The following CEP83 variants were observed in gnomAD, a reference collection of about 807,000 sequenced individuals.
CEP83 encodes the protein centrosomal protein of 83 kDa.
CEP83 carries 70 observed loss-of-function variants against 101.9 expected under a neutral mutation model. The observed-to-expected ratio is 0.69, with a 90% confidence interval of 0.57 to 0.84. CEP83 has a LOEUF of 0.84. Ranked by LOEUF, CEP83 falls within the 40% of genes least tolerant of loss-of-function variation. The pLI is 0.00. For missense variants in CEP83, 715 were observed against 787.2 expected (o/e 0.91, Z 1.10); for synonymous variants, 264 against 267.9 (o/e 0.99, Z 0.14).
chr12:94,368,166 C>T lies in CEP83; in HGVS notation c.1084G>A (p.Val362Ile), dbSNP rs1421579602. The change falls in exon 10 of 17, where the codon GTT becomes ATT. Residue 362 changes from valine to isoleucine, a missense_variant. Physicochemically the swap from Val to Ile is conservative, Grantham distance 29. Coordinates refer to ENST00000397809, the MANE Select transcript of CEP83 (RefSeq NM_016122.3). ...ACTAAGAGCACTTTGTGATGTTCAACAGCTGCTTTGAGAATTTCATTGTCT... is the reference window on the plus strand; with the variant it reads ...ACTAAGAGCACTTTGTGATGTTCAATAGCTGCTTTGAGAATTTCATTGTCT... Reference protein sequence around the residue: ...QSDNEILKAAVEHHKVLLVEK... With the variant: ...QSDNEILKAAIEHHKVLLVEK... 1.9e-6 allele frequency: 3 copies of T among 1,612,840 alleles called. No homozygotes were observed. In the African/African-American group the frequency reaches 4.0e-5, roughly 22 times the overall value.
At position 94,459,537 on chromosome 12, in the gene CEP83, CAGAA is replaced by C. The variant is rs1050523337; in HGVS notation, c.-155+16_-155+19del. 1.3e-5 allele frequency: 2 copies of C among 152,344 alleles called. No homozygotes were observed. The highest frequency in any genetic ancestry group is 4.8e-5 in the African/African-American group (2 of 41,444). The allele number at this position is 152,344 out of a possible 1,614,324, so 9.4% of individuals were successfully genotyped here. Reference sequence around the variant, plus strand: ...CAAAATACAAACAAGACACCGTCCCCAGAAAGAGAGGTTACATACCAGACGCACG... The same window carrying C: ...CAAAATACAAACAAGACACCGTCCCCAGAGAGGTTACATACCAGACGCACG... On this transcript the variant is annotated intron_variant, in intron 1 of 16. Transcript: ENST00000397809.
intron 5 of CEP83, among the ~76,000 whole-genome samples, chr12:94,401,640 C>A (rs2063263323): frequency 6.6e-6 from 1 of 152,162 alleles, no homozygotes; most frequent in Non-Finnish European, 1.5e-5. Flanking sequence ...AATTCGATAA[C>A]AAGGAAAGCA....
intron 6 of CEP83, among the ~76,000 whole-genome samples, chr12:94,393,520 T>C (rs1458947862): frequency 6.6e-6 from 1 of 152,208 alleles, no homozygotes. Context: ...GCCAATATCA[T>C]ACTGAATGGG....
chr12:94,304,241 T>C, downstream of CEP83: 1 of 493,448 alleles, frequency 2.0e-6, no homozygotes, highest in South Asian at 3.1e-5. Context: ...TACAGTTTTA[T>C]CATGCTGCCC....
the CEP83 span, among the ~76,000 whole-genome samples, chr12:94,284,008 GGGAGGC>G: frequency 6.6e-6 from 1 of 151,690 alleles, no homozygotes; most frequent in Non-Finnish European, 1.5e-5. Flanking sequence ...GCTTGAACCC[GGGAGGC>G]GGAGGTTGCA....
At chr12:94,286,698 T>C in the CEP83 span, among the ~76,000 whole-genome samples, 1 of 148,870 alleles carries the variant, frequency 6.7e-6, no homozygotes, top group Non-Finnish European at 1.5e-5. Flanking sequence ...CTCACCTCCC[T>C]CCAATTAGTC....
At position 94,399,438 on chromosome 12, in the gene CEP83, G is replaced by C. The variant is rs529279825; in HGVS notation, c.549+1412C>G. Among the ~76,000 whole-genome samples, 41 of 152,310 alleles carry C rather than the reference G, an allele frequency of 2.7e-4. No homozygotes were observed. The South Asian group carries it at 8.5e-3, about 32-fold the overall frequency. On this transcript the variant is annotated intron_variant, in intron 6 of 16. Coordinates refer to ENST00000397809, the MANE Select transcript of CEP83 (RefSeq NM_016122.3). ...AATGAAGAAAATAAGGGCTGGGCAC[G>C]ATAGTCTATGCCTCTAATTCCAGCA...
At chr12:94,344,628 A>T (rs2059848035) in intron 11 of CEP83, among the ~76,000 whole-genome samples, 1 of 152,162 alleles carries the variant, frequency 6.6e-6, no homozygotes, top group South Asian at 2.1e-4. Flanking sequence ...TCAAAGATGA[A>T]CATGATATAT....
At chr12:94,369,074 A>G (rs1386438328) in intron 9 of CEP83, 1 of 152,238 alleles carries the variant, frequency 6.6e-6, no homozygotes, top group African/African-American at 2.4e-5. Context: ...GCCAAAGGTA[A>G]GCTTATTTAA....
At chr12:94,377,869 G>C (rs1026510708) in intron 7 of CEP83, among the ~76,000 whole-genome samples, 1 of 152,114 alleles carries the variant, frequency 6.6e-6, no homozygotes, top group African/African-American at 2.4e-5. Flanking sequence ...TCATGTTTAA[G>C]GTACAATGAT....
intron 1 of CEP83, among the ~76,000 whole-genome samples, chr12:94,438,095 T>G (rs2066128419): frequency 6.6e-6 from 1 of 152,036 alleles, no homozygotes; most frequent in African/African-American, 2.4e-5. Flanking sequence ...GGCAGGTGCC[T>G]GTAAACCCAG....
At chr12:94,295,828 CATA>C in the CEP83 span, among the ~76,000 whole-genome samples, 1 of 152,146 alleles carries the variant, frequency 6.6e-6, no homozygotes, top group Admixed American at 6.5e-5. Flanking sequence ...CTGTGTTGTC[CATA>C]ATGTCTGCCT....
chr12:94,355,191 G>T (rs901629362), intron 11 of CEP83, among the ~76,000 whole-genome samples: 7 of 152,018 alleles, frequency 4.6e-5, no homozygotes, highest in Admixed American at 1.3e-4. Flanking sequence ...TGTTCCCCAG[G>T]GAACTAGAAA....
chr12:94,443,707 G>A (rs745570898), intron 1 of CEP83, among the ~76,000 whole-genome samples: 11 of 151,828 alleles, frequency 7.2e-5, no homozygotes, highest in Admixed American at 2.6e-4. Context: ...GGCTGGTCTC[G>A]AACTCCTGAC....
intron 11 of CEP83, among the ~76,000 whole-genome samples, chr12:94,358,177 G>A (rs1037438956): frequency 5.3e-5 from 8 of 152,184 alleles, no homozygotes; most frequent in East Asian, 1.9e-4. Context: ...TGAGGGGCCC[G>A]ATGGACAACC....
At chr12:94,344,999 A>T (rs2059864829) in intron 11 of CEP83, among the ~76,000 whole-genome samples, 2 of 151,968 alleles carry the variant, frequency 1.3e-5, no homozygotes, top group Non-Finnish European at 1.5e-5. Context: ...GTCCAGAAAT[A>T]GACTCACACC....
chr12:94,315,162 A>G (rs769446740), intron 14 of CEP83, among the ~76,000 whole-genome samples: 17 of 152,190 alleles, frequency 1.1e-4, no homozygotes, highest in Non-Finnish European at 2.1e-4. Flanking sequence ...AGATACTGCC[A>G]GTTTTCTAAA....
At position 94,333,370 on chromosome 12, in the gene CEP83, T is replaced by A. The variant is rs562641738; in HGVS notation, c.1577+112A>T. 75 of 858,420 alleles carry A rather than the reference T, an allele frequency of 8.7e-5. No individual in the cohort carries two copies. The African/African-American group carries it at 1.1e-3, about 13-fold the overall frequency. The allele number at this position is 858,420 out of a possible 1,614,324, so 53.2% of individuals were successfully genotyped here. A position where few individuals can be genotyped will look rare whatever the true frequency, so the allele number is the denominator to read the frequency against. ...AGTAGACCATTGTACACTATTAAAG[T>A]GTATTTGTAACTAGTTTCTAAAATA... On this transcript the variant is annotated intron_variant, in intron 13 of 16. Coordinates refer to ENST00000397809, the MANE Select transcript of CEP83 (RefSeq NM_016122.3).
chr12:94,283,619 A>G, the CEP83 span, among the ~76,000 whole-genome samples: 6 of 152,210 alleles, frequency 3.9e-5, no homozygotes, highest in Non-Finnish European at 8.8e-5. Context: ...TTTAAGGACA[A>G]CTTGGTGGGT....
Sources: gnomAD v4.1 joint callset for allele counts (sites outside exome capture counted in the v4.1 genomes callset) on GRCh38, gnomAD v4.1.1 for gene constraint, MANE v1.5 for transcripts, NCBI Gene and HGNC (gene_info 2026-07-23, HGNC 2026-07-21) for gene names.